Variants in GLIS2 observed in about 807,000 individuals in gnomAD.
GLIS2 encodes the protein GLIS family zinc finger 2.
In GLIS2, 14 loss-of-function variants were observed where a neutral mutation model predicts 35.6. That is an observed-to-expected ratio of 0.39 (90% confidence interval 0.26 to 0.61). The LOEUF (loss-of-function observed/expected upper bound fraction) is 0.61. GLIS2 is among the 20% of genes least tolerant of loss of function. The pLI is 0.48. For synonymous variants in GLIS2, 368 were observed against 325.1 expected, an observed-to-expected ratio of 1.13 and a Z score of -1.42; for missense variants, 675 against 713.4, an observed-to-expected ratio of 0.95 and a Z score of 0.61.
chr16:4,323,326 G>A (rs2053396993), intron 1 of GLIS2, among the ~76,000 whole-genome samples: 1 of 152,222 alleles, frequency 6.6e-6, no homozygotes, highest in Non-Finnish European at 1.5e-5. Flanking sequence ...CAGGTGTGGG[G>A]GCTGCGGGGC....
rs991607215 is a variant in GLIS2, at chr16:4,320,999, G to C, written c.-67+4745G>C. On this transcript the variant is annotated intron_variant, in intron 1 of 6. Transcript: ENST00000433375. The surrounding 1 kb of genome is among the most constrained non-coding windows in gnomAD (Gnocchi z 5.6). ...TCCCCTTTGGAAGGAAAAGGACCTC[G>C]ATGGCTTTGGAGGCTGTCCCCGGCT... Among the ~76,000 whole-genome samples the C allele has an allele frequency of 6.6e-6, 1 of 152,226 alleles. No homozygotes were observed. The highest frequency in any genetic ancestry group is 6.5e-5 in the Admixed American group (1 of 15,286).
intron 1 of GLIS2, among the ~76,000 whole-genome samples, chr16:4,331,334 C>T (rs1476518364): frequency 4.6e-5 from 7 of 152,144 alleles, no homozygotes; most frequent in South Asian, 4.1e-4. Flanking sequence ...CTTAAGGACA[C>T]GCTCCTGCTG....
Position 4,337,602 on chromosome 16 carries a change from A to C in GLIS2, c.*78A>C. 6.6e-6 allele frequency: 10 copies of C among 1,525,056 alleles called. No homozygotes were observed. The highest frequency in any genetic ancestry group is 7.9e-6 in the Non-Finnish European group (9 of 1,138,148). The allele number at this position is 1,525,056 out of a possible 1,614,324, so 94.5% of individuals were successfully genotyped here. On this transcript the variant is annotated 3_prime_UTR_variant, in exon 7 of 7. Coordinates refer to ENST00000433375, the MANE Select transcript of GLIS2 (RefSeq NM_032575.3). ...CCGACGAACGGAAACTCTTCTGTGA[A>C]ATAGCAATAATGTCCTACTGCCCGG...
intron 1 of GLIS2, among the ~76,000 whole-genome samples, chr16:4,319,276 C>T (rs978818711): frequency 2.0e-5 from 3 of 152,154 alleles, no homozygotes; most frequent in Non-Finnish European, 4.4e-5. Context: ...GGTGGTCTTC[C>T]CCTCACCCAG....
At chr16:4,315,830 C>T (rs936439091), upstream of GLIS2, among the ~76,000 whole-genome samples, 1 of 149,880 alleles carries the variant, frequency 6.7e-6, no homozygotes, top group African/African-American at 2.4e-5. Context: ...CCTCCCCCGA[C>T]GCGCACGCCC....
At chr16:4,329,828 C>A (rs923178793) in intron 1 of GLIS2, among the ~76,000 whole-genome samples, 2 of 152,240 alleles carry the variant, frequency 1.3e-5, no homozygotes, top group Non-Finnish European at 2.9e-5. Flanking sequence ...GTTAGATTTT[C>A]AAGTTGTAAT....
chr16:4,326,380 G>C (rs1198477351), intron 1 of GLIS2: 2 of 152,266 alleles, frequency 1.3e-5, no homozygotes, highest in African/African-American at 4.8e-5. Context: ...TCCAAGGCAA[G>C]GGGTGTTCCT....
At chr16:4,325,268 A>T (rs2053418676) in intron 1 of GLIS2, 1 of 152,280 alleles carries the variant, frequency 6.6e-6, no homozygotes, top group Non-Finnish European at 1.5e-5. Flanking sequence ...TTCTGGACTT[A>T]CCTGGGGTTG....
Position 4,337,112 on chromosome 16 carries a change from A to G in GLIS2, c.1163A>G (p.Asn388Ser), listed in dbSNP as rs1398382387. The change falls in exon 7 of 7, where the codon AAC becomes AGC. Residue 388 changes from asparagine to serine, a missense_variant. Around this residue, in one of 3 missense-constraint regions of GLIS2, gnomAD observed 317 missense variants for 283.2 expected, o/e 1.12. Coordinates refer to ENST00000433375, the MANE Select transcript of GLIS2 (RefSeq NM_032575.3). ...GACCTCAGTGCCCTGGCCTGTGGCAACGGTGGGGGCAGTGGGGGTGGGGGG... is the reference window on the plus strand; with the variant it reads ...GACCTCAGTGCCCTGGCCTGTGGCAGCGGTGGGGGCAGTGGGGGTGGGGGG... ...PLDLSALACG[N>S]GGGSGGGGGM... 1.8e-5 allele frequency: 28 copies of G among 1,535,766 alleles called. No homozygotes were observed. Among genetic ancestry groups the G allele is most frequent in the Non-Finnish European group, 2.3e-5 (26 of 1,146,286 alleles).
intron 1 of GLIS2, among the ~76,000 whole-genome samples, chr16:4,317,282 C>T (rs886804610): frequency 1.3e-5 from 2 of 152,164 alleles, no homozygotes; most frequent in South Asian, 2.1e-4. Flanking sequence ...GCAGCCAGGC[C>T]GGCTGGGGAC....
chr16:4,326,564 G>C (rs1227598025), intron 1 of GLIS2: 1 of 152,188 alleles, frequency 6.6e-6, no homozygotes, highest in Non-Finnish European at 1.5e-5. Flanking sequence ...ACCTCCACAG[G>C]CTTAGGGCCT....
intron 1 of GLIS2, chr16:4,325,311 C>A (rs1440330252): frequency 6.6e-6 from 1 of 152,262 alleles, no homozygotes; most frequent in African/African-American, 2.4e-5. Flanking sequence ...AGCTGTGGGA[C>A]CTTGGATGGG....
At chr16:4,328,721 C>A (rs2053464667) in intron 1 of GLIS2, among the ~76,000 whole-genome samples, 1 of 152,170 alleles carries the variant, frequency 6.6e-6, no homozygotes, top group Admixed American at 6.5e-5. Flanking sequence ...GCATTGGAGT[C>A]CTCCCTCTGG....
rs1053102322 is a variant in GLIS2, at chr16:4,332,775, G to C, written c.172+323G>C. Among the ~76,000 whole-genome samples, 1 of 152,218 alleles carries C rather than the reference G, an allele frequency of 6.6e-6. No homozygotes were observed. Among genetic ancestry groups the C allele is most frequent in the Non-Finnish European group, 1.5e-5 (1 of 68,034 alleles). ...GCACCCTAGGCTGTGGGGTGGTGCC[G>C]CTGGCCAACCTGGGCAGTAGAGGCT... On this transcript the variant is annotated intron_variant, in intron 2 of 6. Transcript: ENST00000433375. This position sits in a 1 kb window ranked among gnomAD's most constrained non-coding sequence, Gnocchi z 5.4.
chr16:4,336,594 C>T lies in GLIS2; in HGVS notation c.776-131C>T, dbSNP rs1303174181. ...ATCTCATGCCATGTGCTGGGGATGC[C>T]CCCTGCCCCCAGAATTGGGGCATCT... On this transcript the variant is annotated intron_variant, in intron 6 of 6. Coordinates refer to ENST00000433375, the MANE Select transcript of GLIS2 (RefSeq NM_032575.3). 4 of 908,578 alleles carry T rather than the reference C, an allele frequency of 4.4e-6. No homozygotes were observed. In the South Asian group the frequency reaches 5.6e-5, roughly 13 times the overall value. 56.3% of individuals were successfully genotyped at this position (908,578 alleles called of 1,614,324 possible).
chr16:4,318,415 G>A (rs1361879198), intron 1 of GLIS2, among the ~76,000 whole-genome samples: 3 of 152,228 alleles, frequency 2.0e-5, no homozygotes, highest in Admixed American at 6.5e-5. Context: ...TCAATTATCC[G>A]AGGGTGGAGC....
intron 1 of GLIS2, among the ~76,000 whole-genome samples, chr16:4,324,132 G>T (rs1214109429): frequency 6.6e-6 from 1 of 152,206 alleles, no homozygotes; most frequent in South Asian, 2.1e-4. Flanking sequence ...CCCACCCCGG[G>T]AGGGGGTCTG....
rs544622244 is a variant in GLIS2 at position 4,337,877 on chromosome 16, G to A, written c.*353G>A. The stretch of plus-strand genomic sequence containing the variant: ...ACCTAGTGACCACCCATGGCAAGTT[G>A]CCCTCTCCCAGCAGAGGGGGTGGGT... On this transcript the variant is annotated 3_prime_UTR_variant, in exon 7 of 7. Transcript: ENST00000433375. 54 of 428,512 alleles carry A rather than the reference G, an allele frequency of 1.3e-4. No individual in the cohort carries two copies. The highest frequency in any genetic ancestry group is 1.0e-3 in the African/African-American group (51 of 49,712). 26.5% of individuals were successfully genotyped at this position (428,512 alleles called of 1,614,324 possible). A position where few individuals can be genotyped will look rare whatever the true frequency, so the allele number is the denominator to read the frequency against.
intron 1 of GLIS2, among the ~76,000 whole-genome samples, chr16:4,330,237 A>G (rs1471679444): frequency 1.3e-5 from 2 of 152,132 alleles, no homozygotes; most frequent in African/African-American, 4.8e-5. Flanking sequence ...AGATCACACC[A>G]CTGCACTCCA....
Sources: allele counts gnomAD v4.1 joint callset (sites outside exome capture counted in the v4.1 genomes callset), GRCh38; gene constraint gnomAD v4.1.1; regional missense constraint gnomAD v4.1.1; non-coding constraint Gnocchi (gnomAD v3.1); transcripts MANE v1.5; gene names NCBI Gene and HGNC (gene_info 2026-07-23, HGNC 2026-07-21).